The following ARHGAP24 variants were observed in gnomAD, a reference collection of about 807,000 sequenced individuals.
ARHGAP24 encodes Rho GTPase activating protein 24, also known as rho GTPase-activating protein 24.
In ARHGAP24, 50 loss-of-function variants were observed where a neutral mutation model predicts 76.4. The ratio of observed to expected loss-of-function variants is 0.65; its 90% CI spans 0.52 to 0.83. ARHGAP24 has a LOEUF of 0.83. Among genes scored for constraint, ARHGAP24 ranks in the 40% least tolerant of loss-of-function variants. The probability of loss-of-function intolerance (pLI) is 0.00; values close to 1 mark genes in which losing one functional copy is unlikely to be tolerated. For missense variants in ARHGAP24, 930 were observed against 914.2 expected (o/e 1.02, Z -0.22); for synonymous variants, 345 against 323.3 (o/e 1.07, Z -0.72).
chr4:85,563,669 G>T (rs1004128808), intron 1 of ARHGAP24, among the ~76,000 whole-genome samples: 1 of 152,128 alleles, frequency 6.6e-6, no homozygotes, highest in Non-Finnish European at 1.5e-5. Flanking sequence ...ATTCTTTGTG[G>T]GGCACTAACT....
At chr4:85,996,980 C>T (rs928083996) in intron 9 of ARHGAP24, among the ~76,000 whole-genome samples, 2 of 152,100 alleles carry the variant, frequency 1.3e-5, no homozygotes, top group African/African-American at 4.8e-5. Context: ...CATATATGTT[C>T]TGAGATCTAC....
intron 2 of ARHGAP24, among the ~76,000 whole-genome samples, chr4:85,655,818 AAGAG>A (rs70948743): frequency 4.8e-4 from 17 of 35,516 alleles, no homozygotes; most frequent in African/African-American, 1.9e-3. Context: ...GAGAGAGAGA[AAGAG>A]AGAGAGAGAG....
intron 2 of ARHGAP24, among the ~76,000 whole-genome samples, chr4:85,576,256 C>G (rs1432887161): frequency 5.3e-5 from 8 of 152,084 alleles, no homozygotes; most frequent in Non-Finnish European, 1.0e-4. Flanking sequence ...GAAACCCCGT[C>G]TCTACTAAAA....
intron 3 of ARHGAP24, among the ~76,000 whole-genome samples, chr4:85,754,835 T>C (rs943222282): frequency 1.3e-5 from 2 of 152,248 alleles, no homozygotes; most frequent in Non-Finnish European, 2.9e-5. Flanking sequence ...GTTGTTATCA[T>C]GCGACACTGA....
intron 3 of ARHGAP24, chr4:85,722,474 C>T (rs1223162728): frequency 1.2e-5 from 2 of 163,350 alleles, no homozygotes; most frequent in African/African-American, 4.8e-5. Context: ...CAGTTCTGTA[C>T]CTCAGCTTTG....
intron 3 of ARHGAP24, among the ~76,000 whole-genome samples, chr4:85,727,360 G>A (rs559417305): frequency 6.6e-5 from 10 of 152,192 alleles, no homozygotes; most frequent in Admixed American, 4.6e-4. Flanking sequence ...GATAAGAGTA[G>A]GCATTTTTGT....
At chr4:85,537,591 T>A (rs915097895) in intron 1 of ARHGAP24, among the ~76,000 whole-genome samples, 8 of 152,146 alleles carry the variant, frequency 5.3e-5, no homozygotes, top group African/African-American at 1.9e-4. Context: ...GTATTGCCTA[T>A]TTGAGTTTTT....
intron 1 of ARHGAP24, among the ~76,000 whole-genome samples, chr4:85,523,897 G>T (rs113740395): frequency 1.3e-5 from 2 of 151,860 alleles, no homozygotes; most frequent in African/African-American, 4.8e-5. Context: ...TTAAAATTTT[G>T]TAGGAAACAG....
At chr4:85,817,408 A>C (rs901806048) in intron 3 of ARHGAP24, among the ~76,000 whole-genome samples, 1 of 152,188 alleles carries the variant, frequency 6.6e-6, no homozygotes, top group African/African-American at 2.4e-5. Context: ...TCAATTCTAT[A>C]ATCCATTTCA....
intron 8 of ARHGAP24, among the ~76,000 whole-genome samples, chr4:85,982,677 G>A (rs1014252083): frequency 6.6e-6 from 1 of 152,156 alleles, no homozygotes; most frequent in African/African-American, 2.4e-5. Context: ...CAAGTTAGAT[G>A]TTTATTGTGT....
At position 85,597,047 on chromosome 4, in the gene ARHGAP24, G is replaced by GA. The variant is rs1303173698; in HGVS notation, c.180+26331dup. ...CATGCAGTGTACTCAGTCTGTCACT[G>GA]AAAAATGCTGTTTCTTCAAAAGCAA... On this transcript the variant is annotated intron_variant, in intron 2 of 9. Coordinates refer to ENST00000395184, the MANE Select transcript of ARHGAP24 (RefSeq NM_001025616.3). Among the ~76,000 whole-genome samples, 3 of 152,184 alleles carry GA rather than the reference G, an allele frequency of 2.0e-5. No individual in the cohort carries two copies. The East Asian group carries it at 5.8e-4, about 29-fold the overall frequency.
chr4:85,585,068 A>G (rs1050668614), intron 2 of ARHGAP24, among the ~76,000 whole-genome samples: 6 of 152,324 alleles, frequency 3.9e-5, no homozygotes, highest in Middle Eastern at 3.4e-3. Flanking sequence ...GCAATAATTC[A>G]TGAAATAGCC....
Position 85,995,540 on chromosome 4 carries a change from A to G in ARHGAP24, c.1886A>G (p.Asn629Ser). The change falls in exon 9 of 10, where the codon AAC (asparagine) becomes AGC (serine). Residue 629 changes from asparagine (N) to serine (S), a missense_variant. Transcript: ENST00000395184. The stretch of plus-strand genomic sequence containing the variant: ...AGTCGTGCCACCAGTAGCAGTGACA[A>G]CAGTGAGACATTTGTGGGCAACAGC... Reference protein sequence around the residue: ...RSSRATSSSDNSETFVGNSSS... With the variant: ...RSSRATSSSDSSETFVGNSSS... 1 of 1,610,866 alleles carries G rather than the reference A, an allele frequency of 6.2e-7. No individual in the cohort carries two copies. The highest frequency in any genetic ancestry group is 8.5e-7 in the Non-Finnish European group (1 of 1,177,944).
At chr4:85,825,813 C>T (rs1291217484) in intron 3 of ARHGAP24, among the ~76,000 whole-genome samples, 1 of 152,168 alleles carries the variant, frequency 6.6e-6, no homozygotes, top group Non-Finnish European at 1.5e-5. Context: ...GACTTGTATT[C>T]TTGTCTTCCC....
At chr4:85,649,365 T>C (rs1721849320) in intron 2 of ARHGAP24, among the ~76,000 whole-genome samples, 1 of 152,102 alleles carries the variant, frequency 6.6e-6, no homozygotes, top group Non-Finnish European at 1.5e-5. Context: ...TTTATATCCA[T>C]CTTAGTGCTG....
At chr4:85,955,720 T>G (rs1174954698) in intron 5 of ARHGAP24, among the ~76,000 whole-genome samples, 2 of 152,206 alleles carry the variant, frequency 1.3e-5, no homozygotes, top group Non-Finnish European at 2.9e-5. Context: ...TTGATGTAAC[T>G]CTGTTTCTTA....
At chr4:85,610,362 T>A (rs1247522050) in intron 2 of ARHGAP24, among the ~76,000 whole-genome samples, 1 of 138,056 alleles carries the variant, frequency 7.2e-6, no homozygotes, top group African/African-American at 2.7e-5. Context: ...GAGAATGGCG[T>A]GAACCTGGGA....
At chr4:85,587,028 T>G (rs1488207863) in intron 2 of ARHGAP24, among the ~76,000 whole-genome samples, 3 of 152,190 alleles carry the variant, frequency 2.0e-5, no homozygotes, top group Non-Finnish European at 4.4e-5. Context: ...AACTAAAGAA[T>G]AGGCCACAAC....
chr4:85,656,554 G>A (rs769309433), intron 2 of ARHGAP24, among the ~76,000 whole-genome samples: 10 of 152,126 alleles, frequency 6.6e-5, no homozygotes, highest in African/African-American at 1.9e-4. Flanking sequence ...TGCAAACTTC[G>A]CCTCCTGAGT....
Sources: allele counts gnomAD v4.1 joint callset (sites outside exome capture counted in the v4.1 genomes callset), GRCh38; gene constraint gnomAD v4.1.1; transcripts MANE v1.5; gene names NCBI Gene and HGNC (gene_info 2026-07-23, HGNC 2026-07-21).